COL9A2: variants seen among roughly 807,000 people sequenced by gnomAD.
The protein encoded by COL9A2 is collagen alpha-2(IX) chain.
COL9A2 carries 66 observed loss-of-function variants against 111.6 expected under a neutral mutation model. That is an observed-to-expected ratio of 0.59 (90% CI 0.48 to 0.73). The LOEUF (loss-of-function observed/expected upper bound fraction) is 0.73, where lower values mean the gene tolerates loss of function less well. Ranked by LOEUF, COL9A2 falls within the 30% of genes least tolerant of loss-of-function variation. The pLI, the probability that COL9A2 is intolerant of heterozygous loss-of-function variation, is 0.00. For synonymous variants in COL9A2, 353 were observed against 364.1 expected, an observed-to-expected ratio of 0.97 and a Z score of 0.35; for missense variants, 881 against 954.1, an observed-to-expected ratio of 0.92 and a Z score of 1.01.
Position 40,303,402 on chromosome 1 carries a change from T to C in COL9A2, c.1548+128A>G. On this transcript the variant is annotated intron_variant, in intron 28 of 31. Coordinates refer to ENST00000372748, the MANE Select transcript of COL9A2 (RefSeq NM_001852.4). The surrounding 1 kb of genome is among the most constrained non-coding windows in gnomAD (Gnocchi z 4.6). ...CTGCACTCACAGCCTTCCTGTCTGC[T>C]CTGGGGCTTGGAACCAGTCTCGGGG... 7.2e-7 allele frequency: 1 copy of C among 1,386,972 alleles called. No homozygotes were observed. The highest frequency in any genetic ancestry group is 1.0e-6 in the Non-Finnish European group (1 of 1,001,482). The allele number at this position is 1,386,972 out of a possible 1,614,324, so 85.9% of individuals were successfully genotyped here. A position where few individuals can be genotyped will look rare whatever the true frequency, so the allele number is the denominator to read the frequency against.
chr1:40,307,325 G>T lies in COL9A2; in HGVS notation c.1008+121C>A. On this transcript the variant is annotated intron_variant, in intron 19 of 31. Transcript: ENST00000372748. The surrounding 1 kb of genome is among the most constrained non-coding windows in gnomAD (Gnocchi z 4.8). ...TAATGAAGCCTTCGCCAGGCCAGGGGCCACAGAGTTGGTAACAAGGCAAGA... is the reference window on the plus strand; with the variant it reads ...TAATGAAGCCTTCGCCAGGCCAGGGTCCACAGAGTTGGTAACAAGGCAAGA... 3.1e-6 allele frequency: 3 copies of T among 956,168 alleles called. No individual in the cohort carries two copies. The highest frequency in any genetic ancestry group is 1.4e-5 in the South Asian group (1 of 72,008). 59.2% of individuals were successfully genotyped at this position (956,168 alleles called of 1,614,324 possible). A position where few individuals can be genotyped will look rare whatever the true frequency, so the allele number is the denominator to read the frequency against.
Position 40,310,793 on chromosome 1 carries a change from A to G in COL9A2, c.631-26T>C. The stretch of plus-strand genomic sequence containing the variant: ...CTAAAGGGCAGGGATGAGCTGTCAG[A>G]CAGGCAGGCAGATGGAAAGACACAT... On this transcript the variant is annotated intron_variant, in intron 12 of 31. Transcript: ENST00000372748. The surrounding 1 kb of genome is among the most constrained non-coding windows in gnomAD (Gnocchi z 4.9). The G allele has an allele frequency of 1.9e-6, 3 of 1,549,434 alleles. No individual in the cohort carries two copies. Among genetic ancestry groups the G allele is most frequent in the African/African-American group, 1.4e-5 (1 of 73,140 alleles).
chr1:40,304,013 G>T, intron 25 of COL9A2, 41 bp from the exon 26 acceptor site: 1 of 1,571,218 alleles, frequency 6.4e-7, no homozygotes, highest in Non-Finnish European at 8.6e-7. Context: ...GTGGCGGCGG[G>T]GACGCAGAGC....
intron 24 of COL9A2, 81 bp downstream of exon 24, chr1:40,304,239 C>T: frequency 9.8e-6 from 15 of 1,533,946 alleles, no homozygotes; most frequent in Non-Finnish European, 1.2e-5. Flanking sequence ...TTGGAGGCTC[C>T]GGAAGGATCT....
intron 2 of COL9A2, 29 bp downstream of exon 2, chr1:40,315,560 TC>T: frequency 6.8e-7 from 1 of 1,466,746 alleles, no homozygotes. Flanking sequence ...GCCGCCTCCC[TC>T]CCGCCCTGGT....
At chr1:40,315,350 G>A (rs1240451533) in intron 2 of COL9A2, 2 of 1,345,608 alleles carry the variant, frequency 1.5e-6, no homozygotes, top group East Asian at 5.9e-5. Context: ...AGCTGCGGCC[G>A]GCGGACTGAA....
At chr1:40,305,415 C>T (rs1240806664) in intron 21 of COL9A2, among the ~76,000 whole-genome samples, 1 of 152,204 alleles carries the variant, frequency 6.6e-6, no homozygotes, top group East Asian at 1.9e-4. Context: ...GAAGAGGAGA[C>T]TCATAGTTGC....
At position 40,301,104 on chromosome 1, in the gene COL9A2, G is replaced by A; in HGVS notation, c.*78C>T. The stretch of plus-strand genomic sequence containing the variant: ...TGGGGGAGATGGTTTCCTGGACTGG[G>A]GATGGGTGCATGTCCACCCAGAGGG... On this transcript the variant is annotated 3_prime_UTR_variant, in exon 32 of 32. Coordinates refer to ENST00000372748, the MANE Select transcript of COL9A2 (RefSeq NM_001852.4). 6.9e-7 allele frequency: 1 copy of A among 1,446,846 alleles called. No homozygotes were observed. Among genetic ancestry groups the A allele is most frequent in the Admixed American group, 1.7e-5 (1 of 58,140 alleles). The allele number at this position is 1,446,846 out of a possible 1,614,324, so 89.6% of individuals were successfully genotyped here.
At position 40,316,349 on chromosome 1, in the gene COL9A2, C is replaced by G. The variant is rs1644218645; in HGVS notation, c.76-685G>C. Among the ~76,000 whole-genome samples the G allele has an allele frequency of 6.6e-6, 1 of 152,230 alleles. No individual in the cohort carries two copies. The highest frequency in any genetic ancestry group is 1.5e-5 in the Non-Finnish European group (1 of 68,034). ...GGAGGAGCCGGCACCTCCCAGAAAG[C>G]AGACCCTCTCTCTGGATCCCGTTTG... On this transcript the variant is annotated intron_variant, in intron 1 of 31. Coordinates refer to ENST00000372748, the MANE Select transcript of COL9A2 (RefSeq NM_001852.4). This position sits in a 1 kb window ranked among gnomAD's most constrained non-coding sequence, Gnocchi z 5.5.
chr1:40,301,489 A>T, intron 31 of COL9A2, 108 bp from the exon 32 acceptor site: 1 of 915,762 alleles, frequency 1.1e-6, no homozygotes, highest in Non-Finnish European at 1.7e-6. Flanking sequence ...AAAACACCAT[A>T]GGAGAAAGGA....
Position 40,301,184 on chromosome 1 carries a change from A to G in COL9A2, c.2068T>C (p.Ter690ArgextTer50). The change falls in exon 32 of 32, where the codon TGA (stop) becomes CGA (arginine). Residue 690 changes from the stop codon to arginine (R), a stop_lost. Coordinates refer to ENST00000372748, the MANE Select transcript of COL9A2 (RefSeq NM_001852.4). ...LTEPGSIKGP[*>R] is the part of the protein sequence containing the mutation. ...CAGGCTCTGTCTGGGCCTGATGCTC[A>G]AGGCCCCTTGATGGATCCAGGCTCT... 6.2e-7 allele frequency: 1 copy of G among 1,613,246 alleles called. No individual in the cohort carries two copies. The highest frequency in any genetic ancestry group is 8.5e-7 in the Non-Finnish European group (1 of 1,179,982).
chr1:40,301,846 C>T lies in COL9A2; in HGVS notation c.1836G>A (p.Gly612=), dbSNP rs766758379. Residue 612 remains glycine, a synonymous_variant, in exon 31 of 32, where the codon GGG becomes GGA. Transcript: ENST00000372748. ...EKGDPGEVGR[G]HPGMPGPPGI... ...CTGGGGGCCCAGGCATCCCGGGGTG[C>T]CCCCGTCCCACTTCTCCTGGATCAC... 5 of 1,614,084 alleles carry T rather than the reference C, an allele frequency of 3.1e-6. No individual in the cohort carries two copies. Among genetic ancestry groups the T allele is most frequent in the African/African-American group, 2.7e-5 (2 of 75,058 alleles).
chr1:40,305,998 G>T, intron 20 of COL9A2, 145 bp downstream of exon 20: 1 of 918,290 alleles, frequency 1.1e-6, no homozygotes, highest in South Asian at 1.4e-5. Context: ...CATGATGGGT[G>T]GGAGGTGGCA....
Position 40,302,960 on chromosome 1 carries a change from CA to C in COL9A2, c.1604-152del. The C allele has an allele frequency of 8.9e-7, 1 of 1,125,684 alleles. No individual in the cohort carries two copies. Among genetic ancestry groups the C allele is most frequent in the South Asian group, 1.4e-5 (1 of 72,052 alleles). 69.7% of individuals were successfully genotyped at this position (1,125,684 alleles called of 1,614,324 possible). On this transcript the variant is annotated intron_variant, in intron 29 of 31. Transcript: ENST00000372748. The surrounding 1 kb of genome is among the most constrained non-coding windows in gnomAD (Gnocchi z 4.5). ...TCCGTGGGCTCTGTTTTGCGGAAGTCAAAGGCCCAGAGTGACTTATTCAAGG... is the reference window on the plus strand; with the variant it reads ...TCCGTGGGCTCTGTTTTGCGGAAGTCAAGGCCCAGAGTGACTTATTCAAGG...
intron 17 of COL9A2, 21 bp downstream of exon 17, chr1:40,308,171 G>T: frequency 6.2e-7 from 1 of 1,612,714 alleles, no homozygotes; most frequent in Non-Finnish European, 8.5e-7. Flanking sequence ...GTCCTGGTGG[G>T]CCTAGGCCTC....
Position 40,302,789 on chromosome 1 carries a change from C to G in COL9A2, c.1624G>C (p.Val542Leu), listed in dbSNP as rs573879844. ...MLQEQLAEVA[V>L]SAKREALGAV... ...CCCAGGGCTTCCCGCTTGGCACTCA[C>G]GGCGACCTCTGCCAGTTGCTCTGGA... is the stretch of plus-strand genomic sequence containing the variant. The change falls in exon 30 of 32, where the codon GTG becomes CTG. Residue 542 changes from valine (V) to leucine (L), a missense_variant. Val to Leu is a conservative substitution (Grantham distance 32). Transcript: ENST00000372748. This position sits in a 1 kb window ranked among gnomAD's most constrained non-coding sequence, Gnocchi z 4.5. 8.0e-6 allele frequency: 9 copies of G among 1,130,174 alleles called. No homozygotes were observed. The East Asian group carries it at 4.2e-4, about 53-fold the overall frequency. The allele number at this position is 1,130,174 out of a possible 1,614,324, so 70.0% of individuals were successfully genotyped here.
intron 16 of COL9A2, 126 bp downstream of exon 16, chr1:40,309,812 A>T: frequency 1.1e-6 from 1 of 914,266 alleles, no homozygotes; most frequent in Non-Finnish European, 1.8e-6. Context: ...ACACACTCAC[A>T]CACACTACAC....
At chr1:40,301,991 A>C in intron 30 of COL9A2, 102 bp from the exon 31 acceptor site, 1 of 1,199,012 alleles carries the variant, frequency 8.3e-7, no homozygotes, top group Non-Finnish European at 1.2e-6. Flanking sequence ...GTTTTGTGCT[A>C]GTTTGTAATA....
intron 31 of COL9A2, 78 bp downstream of exon 31, chr1:40,301,734 G>T: frequency 7.2e-7 from 1 of 1,388,112 alleles, no homozygotes; most frequent in Non-Finnish European, 1.0e-6. Context: ...GGCCGCCATG[G>T]AGGAGACCGC....
Sources: allele counts gnomAD v4.1 joint callset (sites outside exome capture counted in the v4.1 genomes callset), GRCh38; gene constraint gnomAD v4.1.1; non-coding constraint Gnocchi (gnomAD v3.1); transcripts MANE v1.5; gene names NCBI Gene and HGNC (gene_info 2026-07-23, HGNC 2026-07-21).